Variants in STIM2 observed in about 807,000 individuals in gnomAD.
STIM2 encodes the protein stromal interaction molecule 2.
A neutral mutation model predicts 85.8 loss-of-function variants in STIM2; 31 were observed. The ratio of observed to expected loss-of-function variants is 0.36; its 90% confidence interval spans 0.27 to 0.49. STIM2 has a LOEUF of 0.49. Ranked by LOEUF, STIM2 falls within the 20% of genes least tolerant of loss-of-function variation. The pLI is 0.98. For missense variants in STIM2, 841 were observed against 927.6 expected (o/e 0.91, Z 1.21); for synonymous variants, 356 against 331.1 (o/e 1.08, Z -0.82).
intron 7 of STIM2, among the ~76,000 whole-genome samples, chr4:27,005,361 A>G (rs765684400): frequency 1.4e-4 from 22 of 152,204 alleles, no homozygotes; most frequent in Non-Finnish European, 3.1e-4. Context: ...TAATACCCCT[A>G]TTATACGTGA....
chr4:26,954,944 A>G (rs1300045037), intron 2 of STIM2, among the ~76,000 whole-genome samples: 8 of 147,130 alleles, frequency 5.4e-5, no homozygotes, highest in Admixed American at 5.3e-4. Context: ...GGAAAATACA[A>G]TTCATTGTGT....
chr4:26,965,333 T>C (rs2109099673), intron 3 of STIM2, among the ~76,000 whole-genome samples: 1 of 152,314 alleles, frequency 6.6e-6, no homozygotes, highest in African/African-American at 2.4e-5. Flanking sequence ...TAAGGGAGTT[T>C]AACATGGGTT....
intron 10 of STIM2, among the ~76,000 whole-genome samples, chr4:27,011,743 T>G (rs200644925): frequency 6.6e-6 from 1 of 152,170 alleles, no homozygotes; most frequent in East Asian, 1.9e-4. Flanking sequence ...GCATTTGTTG[T>G]TCAGATTTCT....
Position 26,930,653 on chromosome 4 carries a change from C to T in STIM2, c.282+11019C>T, listed in dbSNP as rs190864360. On this transcript the variant is annotated intron_variant, in intron 2 of 11. Transcript: ENST00000467087. ...CTGTTGGAAAGCTTAGTTAACAACA[C>T]AGATGTGTCTGTGGAGAGTCACTTA... Among the ~76,000 whole-genome samples the T allele has an allele frequency of 2.5e-3, 386 of 152,246 alleles. 4 individuals carry two copies. The highest frequency in any genetic ancestry group is 8.7e-3 in the African/African-American group (363 of 41,564).
At chr4:27,003,884 C>A (rs4692138) in intron 7 of STIM2, among the ~76,000 whole-genome samples, 148,348 of 152,178 alleles carry the variant, frequency 0.97, 72,346 homozygotes, top group East Asian at 1. Context: ...TCTTGAAAGC[C>A]CATCATTCCA....
rs186555731 is a variant in STIM2 at position 26,982,191 on chromosome 4, G to A, written c.398-13188G>A. On this transcript the variant is annotated intron_variant, in intron 3 of 11. Coordinates refer to ENST00000467087, the MANE Select transcript of STIM2 (RefSeq NM_020860.4). ...CAGAGTGTATATCAACATCTTGTCCGTGAAGATGCTGGGAGATAACAAAGA... is the reference window on the plus strand; with the variant it reads ...CAGAGTGTATATCAACATCTTGTCCATGAAGATGCTGGGAGATAACAAAGA... 2.6e-5 allele frequency among the ~76,000 whole-genome samples: 4 copies of A among 152,234 alleles called. No homozygotes were observed. The East Asian group carries it at 7.7e-4, about 29-fold the overall frequency.
chr4:26,921,110 G>A (rs1260238461), intron 2 of STIM2, among the ~76,000 whole-genome samples: 1 of 152,166 alleles, frequency 6.6e-6, no homozygotes, highest in Non-Finnish European at 1.5e-5. Flanking sequence ...TAAGAGAGGA[G>A]AACGCCATGT....
intron 1 of STIM2, chr4:26,873,887 TC>T (rs1341307968): frequency 1.2e-5 from 16 of 1,333,348 alleles, no homozygotes; most frequent in Non-Finnish European, 1.6e-5. Flanking sequence ...ATGCTCCTTC[TC>T]CCAGGGGTCT....
chr4:26,958,093 G>A (rs1726318289), intron 3 of STIM2, among the ~76,000 whole-genome samples: 1 of 152,074 alleles, frequency 6.6e-6, no homozygotes. Context: ...AGTTCCTAAT[G>A]TTTTTAGGAG....
At chr4:26,927,719 A>G (rs527909246) in intron 2 of STIM2, among the ~76,000 whole-genome samples, 177 of 138,188 alleles carry the variant, frequency 1.3e-3, no homozygotes, top group Non-Finnish European at 2.3e-3. Context: ...TTGAATAAAA[A>G]AAAAAACTGA....
rs149154950 is a variant in STIM2, at chr4:27,015,641, T to C, written c.1490-2070T>C. Among the ~76,000 whole-genome samples the C allele has an allele frequency of 2.0e-4, 31 of 152,194 alleles. No individual in the cohort carries two copies. The East Asian group carries it at 5.8e-3, about 28-fold the overall frequency. On this transcript the variant is annotated intron_variant, in intron 10 of 11. Coordinates refer to ENST00000467087, the MANE Select transcript of STIM2 (RefSeq NM_020860.4). ...TTTCTCAGTTATTTTGAGGTTGTCA[T>C]TGTTGCTGTTGAGAAGTTTGTAGTC... is the stretch of plus-strand genomic sequence containing the variant.
intron 3 of STIM2, among the ~76,000 whole-genome samples, chr4:26,959,840 T>C (rs1726384175): frequency 6.6e-6 from 1 of 152,158 alleles, no homozygotes; most frequent in African/African-American, 2.4e-5. Flanking sequence ...GTTCAAACAG[T>C]TGGCCTAAGT....
intron 2 of STIM2, among the ~76,000 whole-genome samples, chr4:26,940,539 G>A (rs1440587803): frequency 6.6e-6 from 1 of 152,090 alleles, no homozygotes; most frequent in African/African-American, 2.4e-5. Context: ...CTCTTTAAAT[G>A]TGGTGTTGTT....
intron 10 of STIM2, among the ~76,000 whole-genome samples, chr4:27,013,298 ATAT>A (rs1359832271): frequency 6.6e-6 from 1 of 151,942 alleles, no homozygotes; most frequent in Non-Finnish European, 1.5e-5. Flanking sequence ...TTATTACAGT[ATAT>A]TATTATAATT....
chr4:26,898,275 A>C (rs1738389900), intron 1 of STIM2, among the ~76,000 whole-genome samples: 1 of 152,184 alleles, frequency 6.6e-6, no homozygotes. Flanking sequence ...AGTAAGATTT[A>C]GCAGCTTGGT....
intron 1 of STIM2, among the ~76,000 whole-genome samples, chr4:26,885,855 A>G (rs868863050): frequency 1.9e-4 from 21 of 111,256 alleles, no homozygotes; most frequent in South Asian, 5.4e-4. Flanking sequence ...ATATATATAT[A>G]TATATATATA....
chr4:26,931,799 A>G (rs1007606596), intron 2 of STIM2, among the ~76,000 whole-genome samples: 1 of 152,188 alleles, frequency 6.6e-6, no homozygotes, highest in African/African-American at 2.4e-5. Flanking sequence ...TGATTTGTTT[A>G]GTTAATATAA....
chr4:26,941,707 C>G (rs151324924), intron 2 of STIM2, among the ~76,000 whole-genome samples: 4 of 150,608 alleles, frequency 2.7e-5, no homozygotes, highest in Admixed American at 1.3e-4. Context: ...TCTTAAAGAT[C>G]CTAAGAGATG....
intron 5 of STIM2, 120 bp from the exon 6 acceptor site, chr4:27,002,097 C>A: frequency 1.2e-6 from 1 of 817,568 alleles, no homozygotes; most frequent in Non-Finnish European, 1.9e-6. Flanking sequence ...AGAGCTTGTG[C>A]ATGGGAAAGA....
Sources: gnomAD v4.1 joint callset for allele counts (sites outside exome capture counted in the v4.1 genomes callset) on GRCh38, gnomAD v4.1.1 for gene constraint, MANE v1.5 for transcripts, NCBI Gene and HGNC (gene_info 2026-07-23, HGNC 2026-07-21) for gene names.